TNFRSF11B: variants seen among roughly 807,000 people sequenced by gnomAD.
TNFRSF11B encodes the protein TNF receptor superfamily member 11b.
Under a neutral mutation model 43.4 loss-of-function variants are expected in TNFRSF11B, and 16 were observed. That is an observed-to-expected ratio of 0.37 (90% CI 0.25 to 0.56). The LOEUF is 0.56. Ranked by LOEUF, TNFRSF11B falls within the 20% of genes least tolerant of loss-of-function variation. The pLI is 0.80. For missense variants in TNFRSF11B, 444 were observed against 490.1 expected (o/e 0.91, Z 0.89); for synonymous variants, 185 against 181.8 (o/e 1.02, Z -0.14).
chr8:118,938,500 C>T (rs2129907563), intron 1 of TNFRSF11B, among the ~76,000 whole-genome samples: 1 of 152,270 alleles, frequency 6.6e-6, no homozygotes, highest in Admixed American at 6.5e-5. Context: ...AGAGCATGTG[C>T]CATATAAAAT....
Position 118,924,498 on chromosome 8 carries a change from A to G in TNFRSF11B, c.1082T>C (p.Val361Ala). The change falls in exon 5 of 5, where the codon GTC becomes GCC. Residue 361 changes from valine (V) to alanine (A), a missense_variant. Transcript: ENST00000297350. ...HSKTYHFPKT[V>A]TQSLKKTIRF... ...GATGGTCTTCTTTAGACTCTGAGTG[A>G]CAGTTTTGGGAAAGTGGTACGTCTT... The G allele has an allele frequency of 1.2e-6, 2 of 1,614,018 alleles. No homozygotes were observed. Among genetic ancestry groups the G allele is most frequent in the Non-Finnish European group, 1.7e-6 (2 of 1,179,912 alleles).
chr8:118,942,679 A>G (rs867744546), intron 1 of TNFRSF11B, among the ~76,000 whole-genome samples: 10 of 152,272 alleles, frequency 6.6e-5, no homozygotes, highest in Middle Eastern at 3.4e-3. Context: ...CTAATGAGAT[A>G]TGATTATCCC....
At chr8:118,946,890 C>G (rs952319048) in intron 1 of TNFRSF11B, among the ~76,000 whole-genome samples, 1 of 152,134 alleles carries the variant, frequency 6.6e-6, no homozygotes, top group Admixed American at 6.5e-5. Context: ...CAAAAATGAA[C>G]ACTTGATGTC....
rs1812354582 is a variant in TNFRSF11B at position 118,933,261 on chromosome 8, A to G, written c.70T>C (p.Phe24Leu). The stretch of plus-strand genomic sequence containing the variant: ...TCATAATGAAGGTACTTTGGAGGAA[A>G]CGTTTCCTGGGTGGTCCACTTAATG... ...ISIKWTTQETFPPKYLHYDEE... is the reference protein window; with the variant it reads ...ISIKWTTQETLPPKYLHYDEE... Residue 24 changes from phenylalanine (F) to leucine (L), a missense_variant, in exon 2 of 5, where the codon TTT becomes CTT. By Grantham distance (22) the Phe-to-Leu change is conservative. Transcript: ENST00000297350. 1.9e-6 allele frequency: 3 copies of G among 1,614,056 alleles called. No individual in the cohort carries two copies. Among genetic ancestry groups the G allele is most frequent in the Non-Finnish European group, 2.5e-6 (3 of 1,180,030 alleles).
At chr8:118,944,603 A>G (rs927996009) in intron 1 of TNFRSF11B, among the ~76,000 whole-genome samples, 1 of 152,050 alleles carries the variant, frequency 6.6e-6, no homozygotes, top group African/African-American at 2.4e-5. Flanking sequence ...AGCACAATCT[A>G]GTTTTTTTTT....
At position 118,933,046 on chromosome 8, in the gene TNFRSF11B, C is replaced by G; in HGVS notation, c.285G>C (p.Gln95His). 6.2e-7 allele frequency: 1 copy of G among 1,614,202 alleles called. No homozygotes were observed. Among genetic ancestry groups the G allele is most frequent in the Non-Finnish European group, 8.5e-7 (1 of 1,180,038 alleles). ...CGCGGTTGTGGGTGCGATTGCACTC[C>G]TGCTTGACGTACTGCAGCTCCTTGC... Reference protein sequence around the residue: ...PVCKELQYVKQECNRTHNRVC... With the variant: ...PVCKELQYVKHECNRTHNRVC... Residue 95 changes from glutamine (Q) to histidine (H), a missense_variant, in exon 2 of 5, where the codon CAG (glutamine) becomes CAC (histidine). Coordinates refer to ENST00000297350, the MANE Select transcript of TNFRSF11B (RefSeq NM_002546.4).
In TNFRSF11B at chr8:118,923,808, A is replaced by T. The variant is rs1812212302; in HGVS notation, c.*566T>A. On this transcript the variant is annotated 3_prime_UTR_variant, in exon 5 of 5. Transcript: ENST00000297350. ...CAGTACCTATTAGAAAAATGCTACA[A>T]ACTTTCCATTAAAAATATATATTTT... 6.5e-6 allele frequency: 1 copy of T among 152,804 alleles called. No individual in the cohort carries two copies. Among genetic ancestry groups the T allele is most frequent in the East Asian group, 1.9e-4 (1 of 5,188 alleles). The allele number at this position is 152,804 out of a possible 1,614,324, so 9.5% of individuals were successfully genotyped here. A position where few individuals can be genotyped will look rare whatever the true frequency, so the allele number is the denominator to read the frequency against.
At chr8:118,951,762 G>A (rs776521713) in intron 1 of TNFRSF11B, 30 bp downstream of exon 1, 5 of 1,576,934 alleles carry the variant, frequency 3.2e-6, no homozygotes, top group Non-Finnish European at 3.4e-6. Flanking sequence ...CCCAGGCGCC[G>A]GGCACCCGTC....
chr8:118,930,433 C>T (rs11573914), intron 2 of TNFRSF11B: 494 of 155,152 alleles, frequency 3.2e-3, no homozygotes, highest in African/African-American at 0.011. Context: ...GCGGCAGGGA[C>T]GGAGTCTCAT....
intron 1 of TNFRSF11B, among the ~76,000 whole-genome samples, chr8:118,941,881 G>C (rs1038839330): frequency 6.6e-6 from 1 of 152,008 alleles, no homozygotes; most frequent in African/African-American, 2.4e-5. Context: ...CATCAGATTT[G>C]AGAATTAGCA....
intron 1 of TNFRSF11B, among the ~76,000 whole-genome samples, chr8:118,941,970 G>A (rs1812493549): frequency 6.6e-6 from 1 of 152,144 alleles, no homozygotes; most frequent in East Asian, 1.9e-4. Flanking sequence ...CACCTGACAA[G>A]CACAAGGGTA....
At chr8:118,949,862 C>A (rs1264698106) in intron 1 of TNFRSF11B, among the ~76,000 whole-genome samples, 1 of 152,126 alleles carries the variant, frequency 6.6e-6, no homozygotes, top group Non-Finnish European at 1.5e-5. Context: ...CTTGGTTTTA[C>A]AAAAGGGCAT....
intron 1 of TNFRSF11B, among the ~76,000 whole-genome samples, chr8:118,951,515 C>G (rs1221398272): frequency 8.4e-6 from 1 of 118,598 alleles, no homozygotes; most frequent in Non-Finnish European, 1.7e-5. Flanking sequence ...AACTTTCAAA[C>G]AAGTTTCTCT....
chr8:118,927,851 T>C (rs1364784063), intron 3 of TNFRSF11B, among the ~76,000 whole-genome samples: 1 of 152,192 alleles, frequency 6.6e-6, no homozygotes, highest in East Asian at 1.9e-4. Flanking sequence ...CACACTAGCC[T>C]GATGAATTGT....
At chr8:118,939,560 G>A (rs903010223) in intron 1 of TNFRSF11B, among the ~76,000 whole-genome samples, 2 of 152,136 alleles carry the variant, frequency 1.3e-5, no homozygotes, top group African/African-American at 2.4e-5. Flanking sequence ...GTGCTAGGAA[G>A]CAATCGAAGA....
At chr8:118,947,775 C>T (rs1188730180) in intron 1 of TNFRSF11B, among the ~76,000 whole-genome samples, 2 of 152,052 alleles carry the variant, frequency 1.3e-5, no homozygotes, top group African/African-American at 4.8e-5. Flanking sequence ...ATTTGTTCAC[C>T]ATTTCAGAAA....
intron 1 of TNFRSF11B, among the ~76,000 whole-genome samples, chr8:118,944,985 CAAG>C (rs1441596138): frequency 6.6e-6 from 1 of 151,906 alleles, no homozygotes; most frequent in Non-Finnish European, 1.5e-5. Flanking sequence ...TGGCTAAAGA[CAAG>C]GAGAATGTGT....
At position 118,950,353 on chromosome 8, in the gene TNFRSF11B, A is replaced by G. The variant is rs76523644; in HGVS notation, c.30+1439T>C. On this transcript the variant is annotated intron_variant, in intron 1 of 4. Transcript: ENST00000297350. Reference sequence around the variant, plus strand: ...AATGACAACGGACAAATTATTCTATATCCTACAGTAGAGATGAATCTCACA... The same window carrying G: ...AATGACAACGGACAAATTATTCTATGTCCTACAGTAGAGATGAATCTCACA... 1.8e-4 allele frequency among the ~76,000 whole-genome samples: 28 copies of G among 152,358 alleles called. No individual in the cohort carries two copies. The East Asian group carries it at 5.2e-3, about 28-fold the overall frequency.
At chr8:118,926,402 C>T in intron 4 of TNFRSF11B, 92 bp downstream of exon 4, 1 of 1,192,390 alleles carries the variant, frequency 8.4e-7, no homozygotes, top group Non-Finnish European at 1.2e-6. Flanking sequence ...ACAAGATCCA[C>T]ACAACTAAAC....
Sources: allele counts gnomAD v4.1 joint callset (sites outside exome capture counted in the v4.1 genomes callset), GRCh38; gene constraint gnomAD v4.1.1; transcripts MANE v1.5; gene names NCBI Gene and HGNC (gene_info 2026-07-23, HGNC 2026-07-21).